NLRP9: variants seen among roughly 807,000 people sequenced by gnomAD.
NLRP9 encodes NACHT, LRR and PYD domains-containing protein 9.
Under a neutral mutation model 83.1 loss-of-function variants are expected in NLRP9, and 88 were observed. The observed-to-expected ratio is 1.06, with a 90% CI of 0.89 to 1.26. The LOEUF is 1.26. Ranked by LOEUF, NLRP9 falls within the 50% of genes most tolerant of loss-of-function variation. The pLI is 0.00. For missense variants in NLRP9, 1,308 were observed against 1,179.3 expected (o/e 1.11, Z -1.60); for synonymous variants, 521 against 447.6 (o/e 1.16, Z -2.07).
chr19:55,711,886 G>T lies in NLRP9; in HGVS notation c.2757C>A (p.Asn919Lys), dbSNP rs1987743750. ...CAGCATCCAAGGCAATCCAGTCGAG[G>T]TTCAGGCTCCTCAGTGTTTTGCAGG... ...LIACKTLRSLNLDWIALDADA... is the reference protein window; with the variant it reads ...LIACKTLRSLKLDWIALDADA... The change falls in exon 8 of 9, where the codon AAC becomes AAA. Residue 919 changes from asparagine to lysine, a missense_variant. Transcript: ENST00000332836. The T allele has an allele frequency of 6.2e-7, 1 of 1,613,412 alleles. No homozygotes were observed.
At chr19:55,733,919 A>AATTTTTTTTTTTTTTTTTTTTTTTT (rs1555796186) in intron 1 of NLRP9, among the ~76,000 whole-genome samples, 1 of 117,872 alleles carries the variant, frequency 8.5e-6, no homozygotes, top group African/African-American at 3.6e-5. Flanking sequence ...TGTCAACCAA[A>AATTTTTTTTTTTTTTTTTTTTTTTT]TTTTTTTTTT....
chr19:55,723,869 AAG>A, intron 4 of NLRP9, 109 bp downstream of exon 4: 1 of 796,302 alleles, frequency 1.3e-6, no homozygotes, highest in East Asian at 2.5e-5. Flanking sequence ...GATGAAAAAC[AAG>A]AGAGATGAAG....
rs747962236 is a variant in NLRP9 at position 55,729,813 on chromosome 19, G to A, written c.1994+18C>T. The A allele has an allele frequency of 1.8e-5, 29 of 1,602,638 alleles. No homozygotes were observed. The South Asian group carries it at 3.1e-4, about 17-fold the overall frequency. Reference sequence around the variant, plus strand: ...AACTCTGCCATTTGCTTAAAGGACAGGTTAACATAAAACTTACATGAGTTT... The same window carrying A: ...AACTCTGCCATTTGCTTAAAGGACAAGTTAACATAAAACTTACATGAGTTT... On this transcript the variant is annotated intron_variant, in intron 3 of 8. Transcript: ENST00000332836.
Position 55,732,439 on chromosome 19 carries a change from G to A in NLRP9, c.1392C>T (p.Asp464=), listed in dbSNP as rs1568603591. The A allele has an allele frequency of 1.2e-6, 2 of 1,614,194 alleles. No homozygotes were observed. Among genetic ancestry groups the A allele is most frequent in the African/African-American group, 1.3e-5 (1 of 75,046 alleles). ...TGCTTCCAATGGCCGGGTTAGGATC[G>A]TCTTTGGGTCGTTTGAGCAAATAAA... is the stretch of plus-strand genomic sequence containing the variant. ...AMFYLLKRPK[D]DPNPAIGSIT... is the part of the protein sequence containing the mutation. Residue 464 remains aspartate, a synonymous_variant, in exon 2 of 9, where the codon GAC becomes GAT. Transcript: ENST00000332836.
At chr19:55,724,883 C>A (rs1988352299) in intron 3 of NLRP9, among the ~76,000 whole-genome samples, 1 of 151,938 alleles carries the variant, frequency 6.6e-6, no homozygotes, top group Non-Finnish European at 1.5e-5. Flanking sequence ...CAAGGCGAAA[C>A]CCCGTCTCTA....
At position 55,709,311 on chromosome 19, in the gene NLRP9, C is replaced by T. The variant is rs367958295; in HGVS notation, c.2844-267G>A. The T allele has an allele frequency of 1.8e-5, 4 of 224,402 alleles. No individual in the cohort carries two copies. In the South Asian group the frequency reaches 4.6e-4, roughly 26 times the overall value. 13.9% of individuals were successfully genotyped at this position (224,402 alleles called of 1,614,324 possible). On this transcript the variant is annotated intron_variant, in intron 8 of 8. Transcript: ENST00000332836. ...TGAATTTAAGTTAAAAAGAAAAACA[C>T]AGGATAACTTCCATTCATCTGATGT... is the stretch of plus-strand genomic sequence containing the variant.
At chr19:55,716,038 A>G (rs1987996069) in intron 5 of NLRP9, among the ~76,000 whole-genome samples, 1 of 152,218 alleles carries the variant, frequency 6.6e-6, no homozygotes, top group South Asian at 2.1e-4. Context: ...TCAACATTTT[A>G]CTATGGATAT....
rs752016279 is a variant in NLRP9, at chr19:55,708,829, A to G, written c.*83T>C. 2.4e-5 allele frequency: 22 copies of G among 931,380 alleles called. No individual in the cohort carries two copies. The highest frequency in any genetic ancestry group is 5.9e-5 in the Admixed American group (2 of 33,826). 57.7% of individuals were successfully genotyped at this position (931,380 alleles called of 1,614,324 possible). ...CACAGCCCTGCTGCCATGATGTGCA[A>G]TTACAGGATAGAGGTGCCAGGTGAA... is the stretch of plus-strand genomic sequence containing the variant. On this transcript the variant is annotated 3_prime_UTR_variant, in exon 9 of 9. Coordinates refer to ENST00000332836, the MANE Select transcript of NLRP9 (RefSeq NM_176820.4).
At chr19:55,723,848 C>T (rs1451826105) in intron 4 of NLRP9, 132 bp downstream of exon 4, 3 of 677,380 alleles carry the variant, frequency 4.4e-6, no homozygotes, top group African/African-American at 1.8e-5. Flanking sequence ...ATGAGAGAGA[C>T]AGATTCAAAA....
At chr19:55,723,442 T>C (rs1988293219) in intron 4 of NLRP9, among the ~76,000 whole-genome samples, 1 of 152,182 alleles carries the variant, frequency 6.6e-6, no homozygotes, top group Admixed American at 6.5e-5. Context: ...GAGATGAGCC[T>C]GGATGCAGTG....
At position 55,732,960 on chromosome 19, in the gene NLRP9, T is replaced by G; in HGVS notation, c.871A>C (p.Lys291Gln). Residue 291 changes from lysine (K) to glutamine (Q), a missense_variant, in exon 2 of 9, where the codon AAA becomes CAA. Lys to Gln is a moderately conservative substitution (Grantham distance 53). Coordinates refer to ENST00000332836, the MANE Select transcript of NLRP9 (RefSeq NM_176820.4). ...CTGAATCCTAAGAGCTTTATGAGTTTTGGATGCCGCAACATAAAATAGTGT... is the reference window on the plus strand; with the variant it reads ...CTGAATCCTAAGAGCTTTATGAGTTGTGGATGCCGCAACATAAAATAGTGT... ...QKHYFMLRHP[K>Q]LIKLLGFSES... 2 of 1,614,216 alleles carry G rather than the reference T, an allele frequency of 1.2e-6. No individual in the cohort carries two copies. Among genetic ancestry groups the G allele is most frequent in the South Asian group, 2.2e-5 (2 of 91,074 alleles).
chr19:55,709,064 G>GTTT lies in NLRP9; in HGVS notation c.2844-23_2844-21dup. On this transcript the variant is annotated intron_variant, in intron 8 of 8. Transcript: ENST00000332836. ...TGCAGCCTGGGAAAATAGAAATAAAGTTTTTTTTTTTGTTTTTCATTTTTA... is the reference window on the plus strand; with the variant it reads ...TGCAGCCTGGGAAAATAGAAATAAAGTTTTTTTTTTTTTTGTTTTTCATTTTTA... The GTTT allele has an allele frequency of 1.9e-5, 24 of 1,259,804 alleles. No individual in the cohort carries two copies. Among genetic ancestry groups the GTTT allele is most frequent in the South Asian group, 7.8e-5 (5 of 64,088 alleles). The allele number at this position is 1,259,804 out of a possible 1,614,324, so 78.0% of individuals were successfully genotyped here. A position where few individuals can be genotyped will look rare whatever the true frequency, so the allele number is the denominator to read the frequency against.
At chr19:55,720,190 A>AT (rs948380148) in intron 4 of NLRP9, among the ~76,000 whole-genome samples, 29 of 152,240 alleles carry the variant, frequency 1.9e-4, no homozygotes, top group African/African-American at 1.7e-4. Flanking sequence ...TCATATGTGA[A>AT]TTTTTTTTAA....
Position 55,712,528 on chromosome 19 carries a change from T to G in NLRP9, c.2564A>C (p.Asn855Thr). Residue 855 changes from asparagine (N) to threonine (T), a missense_variant, in exon 7 of 9, where the codon AAT (asparagine) becomes ACT (threonine). By Grantham distance (65) the Asn-to-Thr change is moderately conservative (BLOSUM62 0). Coordinates refer to ENST00000332836, the MANE Select transcript of NLRP9 (RefSeq NM_176820.4). ...AAGTTTCAGGGTCTTCAGTTTCCCA[T>G]TGCAAATAAGAACAGCAGCAATGTC... ...CKDIAAVLIC[N>T]GKLKTLKLGH... 6.2e-7 allele frequency: 1 copy of G among 1,612,544 alleles called. No individual in the cohort carries two copies. The highest frequency in any genetic ancestry group is 2.2e-5 in the East Asian group (1 of 44,780).
chr19:55,720,149 G>A (rs1481954341), intron 4 of NLRP9, among the ~76,000 whole-genome samples: 1 of 152,120 alleles, frequency 6.6e-6, no homozygotes, highest in African/African-American at 2.4e-5. Flanking sequence ...GTTCACTTGA[G>A]AAAAAGTGGT....
In NLRP9 at chr19:55,732,679, T is replaced by C. The variant is rs201992422; in HGVS notation, c.1152A>G (p.Pro384=). ...TTAGTCGGGCTCTGTTCACCTTAGG[T>C]GGAAAACTCTGACTTCCTGCTTTGA... ...TVFKAGSQSF[P]PKVNRARLKS... Residue 384 remains proline, a synonymous_variant, in exon 2 of 9, where the codon CCA becomes CCG. Transcript: ENST00000332836. 19 of 1,614,178 alleles carry C rather than the reference T, an allele frequency of 1.2e-5. 1 individual carries two copies. The South Asian group carries it at 1.5e-4, about 13-fold the overall frequency.
intron 6 of NLRP9, among the ~76,000 whole-genome samples, chr19:55,713,845 ATCCCCTCTTCCCCTCTCCTCCCCCATCC>A (rs1168083131): frequency 4.5e-5 from 2 of 44,936 alleles, no homozygotes; most frequent in East Asian, 1.1e-3. Context: ...CCCGACTTCC[ATCCCCTCTTCCCCTCTCCTCCCCCATCC>A]TCCCCTCTCC....
intron 8 of NLRP9, among the ~76,000 whole-genome samples, chr19:55,710,079 T>C (rs1342795174): frequency 6.6e-6 from 1 of 152,162 alleles, no homozygotes; most frequent in Non-Finnish European, 1.5e-5. Flanking sequence ...TCTTCAGAGG[T>C]AGGGAAGATG....
chr19:55,728,223 G>A (rs554942203), intron 3 of NLRP9, among the ~76,000 whole-genome samples: 1 of 152,130 alleles, frequency 6.6e-6, no homozygotes, highest in African/African-American at 2.4e-5. Context: ...TAGAATTTAC[G>A]AACAGTGAAC....
Sources: allele counts gnomAD v4.1 joint callset (sites outside exome capture counted in the v4.1 genomes callset), GRCh38; gene constraint gnomAD v4.1.1; transcripts MANE v1.5; gene names NCBI Gene and HGNC (gene_info 2026-07-23, HGNC 2026-07-21).